Variants in MAD1L1 observed in about 807,000 individuals in gnomAD.
The protein encoded by MAD1L1 is mitotic arrest deficient 1 like 1.
Under a neutral mutation model 96.9 loss-of-function variants are expected in MAD1L1, and 95 were observed. That is an observed-to-expected ratio of 0.98 (90% CI 0.83 to 1.16). The LOEUF is 1.16. Ranked by LOEUF, MAD1L1 falls within the 50% of genes most tolerant of loss-of-function variation. The pLI, the probability that MAD1L1 is intolerant of heterozygous loss-of-function variation, is 0.00. For missense variants in MAD1L1, 1,007 were observed against 954.4 expected (o/e 1.06, Z -0.73); for synonymous variants, 473 against 396.6 (o/e 1.19, Z -2.29).
chr7:2,077,472 C>G (rs1255881647), intron 11 of MAD1L1, among the ~76,000 whole-genome samples: 1 of 152,180 alleles, frequency 6.6e-6, no homozygotes, highest in African/African-American at 2.4e-5. Context: ...CCTTGAGCAC[C>G]CCCATAGGGC....
At chr7:1,865,896 C>A (rs1382696204) in intron 18 of MAD1L1, among the ~76,000 whole-genome samples, 2 of 152,354 alleles carry the variant, frequency 1.3e-5, no homozygotes, top group East Asian at 3.9e-4. Context: ...CTCTAGTGAG[C>A]CACTGGGCCC....
intron 11 of MAD1L1, among the ~76,000 whole-genome samples, chr7:2,125,322 G>A (rs1203266932): frequency 6.6e-6 from 1 of 152,142 alleles, no homozygotes; most frequent in Non-Finnish European, 1.5e-5. Flanking sequence ...CAGATGCCCA[G>A]GTGGGGACAA....
chr7:2,203,191 C>G (rs1438736534), intron 10 of MAD1L1, among the ~76,000 whole-genome samples: 1 of 152,228 alleles, frequency 6.6e-6, no homozygotes, highest in Non-Finnish European at 1.5e-5. Flanking sequence ...TGGCCACGAG[C>G]AAATGATTTC....
At position 1,961,606 on chromosome 7, in the gene MAD1L1, A is replaced by G. The variant is rs148664912; in HGVS notation, c.1506-3887T>C. 1.4e-4 allele frequency among the ~76,000 whole-genome samples: 21 copies of G among 152,392 alleles called. 1 individual carries two copies. The highest frequency in any genetic ancestry group is 3.6e-4 in the African/African-American group (15 of 41,598). On this transcript the variant is annotated intron_variant, in intron 15 of 18. Coordinates refer to ENST00000265854, the MANE Select transcript of MAD1L1 (RefSeq NM_001013836.2). ...TGAACCAAAAGTTACAAAGTTATTA[A>G]AAGAAAATACAGGAGAAAATCTTGT...
At chr7:1,839,888 C>T (rs1034135067) in intron 18 of MAD1L1, among the ~76,000 whole-genome samples, 3 of 152,172 alleles carry the variant, frequency 2.0e-5, no homozygotes, top group African/African-American at 2.4e-5. Context: ...CCAGGCTCCC[C>T]GCCTCCCCCC....
At chr7:1,854,515 CG>C in intron 18 of MAD1L1, 2 of 368,956 alleles carry the variant, frequency 5.4e-6, no homozygotes, top group Admixed American at 3.3e-5. Context: ...GTCTGTCACA[CG>C]GGGGAAGGGG....
intron 18 of MAD1L1, among the ~76,000 whole-genome samples, chr7:1,837,267 C>T (rs1462915783): frequency 1.3e-5 from 2 of 152,176 alleles, no homozygotes; most frequent in Non-Finnish European, 2.9e-5. Context: ...CCGTCAGTCA[C>T]CTCTTAGAAG....
At chr7:2,228,773 C>G (rs1331660633) in intron 3 of MAD1L1, among the ~76,000 whole-genome samples, 1 of 150,900 alleles carries the variant, frequency 6.6e-6, no homozygotes, top group African/African-American at 2.4e-5. Flanking sequence ...CAGGGTCTCA[C>G]TCTGTCACCC....
In MAD1L1 at chr7:1,891,169, T is replaced by C. The variant is rs138656927; in HGVS notation, c.1998+7031A>G. On this transcript the variant is annotated intron_variant, in intron 18 of 18. Transcript: ENST00000265854. The stretch of plus-strand genomic sequence containing the variant: ...TTTCTTCTTCCCAGGAAGGCTGCTA[T>C]ACAAAAACATTTTTCTATAGCTGTA... Among the ~76,000 whole-genome samples, 97 of 152,340 alleles carry C rather than the reference T, an allele frequency of 6.4e-4. 1 individual carries two copies. The East Asian group carries it at 0.012, about 18-fold the overall frequency.
intron 12 of MAD1L1, among the ~76,000 whole-genome samples, chr7:2,067,670 C>T (rs1263523499): frequency 1.3e-5 from 2 of 152,282 alleles, no homozygotes; most frequent in Non-Finnish European, 2.9e-5. Flanking sequence ...GGGCCCAAGC[C>T]GCTGTCTCCT....
At chr7:1,841,660 C>A (rs1783266491) in intron 18 of MAD1L1, among the ~76,000 whole-genome samples, 1 of 152,206 alleles carries the variant, frequency 6.6e-6, no homozygotes, top group South Asian at 2.1e-4. Flanking sequence ...CGGTGGGGAC[C>A]CAAGGGGCCA....
At chr7:1,886,220 TG>T (rs943492764) in intron 18 of MAD1L1, among the ~76,000 whole-genome samples, 11 of 152,226 alleles carry the variant, frequency 7.2e-5, no homozygotes, top group African/African-American at 2.4e-5. Context: ...GCTTGTCCTC[TG>T]GGGGTAAGTA....
chr7:2,106,018 A>ATGGCCCCGCCCCTGCCCCACACC (rs1787077026), intron 11 of MAD1L1, among the ~76,000 whole-genome samples: 1 of 59,200 alleles, frequency 1.7e-5, no homozygotes, highest in Non-Finnish European at 3.2e-5. Context: ...TGCCCCACAC[A>ATGGCCCCGCCCCTGCCCCACACC]TGGCCCCGCC....
intron 14 of MAD1L1, chr7:1,980,811 G>C: frequency 1.7e-6 from 1 of 575,582 alleles, no homozygotes; most frequent in Non-Finnish European, 3.4e-6. Context: ...GGGTGCATGT[G>C]AGAGTCTCTG....
At chr7:2,178,558 AAACAT>A (rs1310332828) in intron 10 of MAD1L1, among the ~76,000 whole-genome samples, 3 of 152,256 alleles carry the variant, frequency 2.0e-5, no homozygotes, top group African/African-American at 7.2e-5. Flanking sequence ...TACAGGTAGA[AAACAT>A]AAAATAAATT....
intron 12 of MAD1L1, among the ~76,000 whole-genome samples, chr7:2,038,498 CTTTTTTTTT>C (rs60466584): frequency 0.051 from 4,711 of 92,898 alleles, 222 homozygotes; most frequent in African/African-American, 0.14. Flanking sequence ...AAGCTGATGA[CTTTTTTTTT>C]TTTTTTTTTT....
At chr7:2,036,824 C>T (rs1448449594) in intron 12 of MAD1L1, among the ~76,000 whole-genome samples, 1 of 152,154 alleles carries the variant, frequency 6.6e-6, no homozygotes, top group East Asian at 1.9e-4. Context: ...TACCTAGAAT[C>T]CTAAGAACTA....
intron 18 of MAD1L1, among the ~76,000 whole-genome samples, chr7:1,833,421 A>C (rs1469654857): frequency 1.3e-5 from 2 of 152,262 alleles, no homozygotes; most frequent in Non-Finnish European, 2.9e-5. Flanking sequence ...GAATAGAGAA[A>C]TCTGTAATAA....
At chr7:1,872,638 C>T (rs922944712) in intron 18 of MAD1L1, 3 of 152,372 alleles carry the variant, frequency 2.0e-5, no homozygotes, top group Non-Finnish European at 4.4e-5. Context: ...CGCCGGCTCA[C>T]ACTCACACGG....
Sources: allele counts gnomAD v4.1 joint callset (sites outside exome capture counted in the v4.1 genomes callset), GRCh38; gene constraint gnomAD v4.1.1; transcripts MANE v1.5; gene names NCBI Gene and HGNC (gene_info 2026-07-23, HGNC 2026-07-21).